Variants in LEPROT observed in about 807,000 individuals in gnomAD.
LEPROT encodes the protein leptin receptor gene-related protein.
In LEPROT, 3 loss-of-function variants were observed where a neutral mutation model predicts 15.4. The observed-to-expected ratio is 0.19, with a 90% CI of 0.09 to 0.50. LEPROT has a LOEUF of 0.50. LEPROT is among the 20% of genes least tolerant of loss of function. The pLI is 0.97. For synonymous variants in LEPROT, 59 were observed against 57.5 expected, an observed-to-expected ratio of 1.03 and a Z score of -0.12; for missense variants, 137 against 162.2, an observed-to-expected ratio of 0.84 and a Z score of 0.84.
At position 65,435,233 on chromosome 1, in the gene LEPROT, G is replaced by A. The variant is rs933634089; in HGVS notation, c.*3314G>A. The A allele has an allele frequency of 1.0e-6, 1 of 985,268 alleles. No individual in the cohort carries two copies. 61.0% of individuals were successfully genotyped at this position (985,268 alleles called of 1,614,324 possible). On this transcript the variant is annotated 3_prime_UTR_variant, in exon 4 of 4. Coordinates refer to ENST00000371065, the MANE Select transcript of LEPROT (RefSeq NM_017526.5). Reference sequence around the variant, plus strand: ...TCATAGATTTTTCTTACTGTCCTAAGGAAGTCCTTACCTCTGAGGTATCTC... The same window carrying A: ...TCATAGATTTTTCTTACTGTCCTAAAGAAGTCCTTACCTCTGAGGTATCTC...
At chr1:65,431,571 A>G (rs1004838828) in intron 3 of LEPROT, among the ~76,000 whole-genome samples, 3 of 152,238 alleles carry the variant, frequency 2.0e-5, no homozygotes, top group Non-Finnish European at 4.4e-5. Flanking sequence ...CAAGTAGAGA[A>G]ATATGTCTAA....
chr1:65,432,538 C>T lies in LEPROT; in HGVS notation c.*619C>T, dbSNP rs906657338. Reference sequence around the variant, plus strand: ...CTTTCCAGTGGCTAAACCACTTAACCTCTCTGGGTGTTACCTGCTCATTTG... The same window carrying T: ...CTTTCCAGTGGCTAAACCACTTAACTTCTCTGGGTGTTACCTGCTCATTTG... On this transcript the variant is annotated 3_prime_UTR_variant, in exon 4 of 4. Coordinates refer to ENST00000371065, the MANE Select transcript of LEPROT (RefSeq NM_017526.5). 1.1e-5 allele frequency: 9 copies of T among 828,752 alleles called. No homozygotes were observed. The highest frequency in any genetic ancestry group is 1.0e-5 in the Non-Finnish European group (7 of 688,052). The allele number at this position is 828,752 out of a possible 1,614,324, so 51.3% of individuals were successfully genotyped here. A position where few individuals can be genotyped will look rare whatever the true frequency, so the allele number is the denominator to read the frequency against.
chr1:65,431,293 A>G (rs1646479918), intron 3 of LEPROT, among the ~76,000 whole-genome samples: 1 of 152,208 alleles, frequency 6.6e-6, no homozygotes, highest in Admixed American at 6.5e-5. Context: ...AATGCCCACT[A>G]GAGGGTACTC....
chr1:65,425,210 A>G (rs781128120), intron 1 of LEPROT, 93 bp from the exon 2 acceptor site: 26 of 998,258 alleles, frequency 2.6e-5, no homozygotes, highest in Non-Finnish European at 3.7e-5. Context: ...GAAACTCTGG[A>G]CCTATTAGAA....
chr1:65,435,676 CT>C lies in LEPROT; in HGVS notation c.*3760del. Reference sequence around the variant, plus strand: ...GCCACTGTGCCCAGCCAAAATGTGCCTTTGCAAAGTTTGCGAAATCAGATTT... The same window carrying C: ...GCCACTGTGCCCAGCCAAAATGTGCCTTGCAAAGTTTGCGAAATCAGATTT... On this transcript the variant is annotated 3_prime_UTR_variant, in exon 4 of 4. Coordinates refer to ENST00000371065, the MANE Select transcript of LEPROT (RefSeq NM_017526.5). 1.0e-6 allele frequency: 1 copy of C among 985,388 alleles called. No individual in the cohort carries two copies. Among genetic ancestry groups the C allele is most frequent in the Non-Finnish European group, 1.2e-6 (1 of 829,918 alleles). 61.0% of individuals were successfully genotyped at this position (985,388 alleles called of 1,614,324 possible). A position where few individuals can be genotyped will look rare whatever the true frequency, so the allele number is the denominator to read the frequency against.
intron 2 of LEPROT, among the ~76,000 whole-genome samples, chr1:65,427,567 A>G (rs1646404143): frequency 6.6e-6 from 1 of 152,144 alleles, no homozygotes; most frequent in Admixed American, 6.6e-5. Context: ...TCTTAAATAA[A>G]AAAGTAGAAA....
chr1:65,432,314 T>C lies in LEPROT; in HGVS notation c.*395T>C, dbSNP rs1646497295. The C allele has an allele frequency of 2.0e-6, 2 of 992,076 alleles. No homozygotes were observed. The highest frequency in any genetic ancestry group is 3.5e-5 in the African/African-American group (2 of 57,408). 61.5% of individuals were successfully genotyped at this position (992,076 alleles called of 1,614,324 possible). A position where few individuals can be genotyped will look rare whatever the true frequency, so the allele number is the denominator to read the frequency against. ...AGGAAGGCCGGGGTGGATCCCTCTT[T>C]GTGTTGTAGTCCATGCTATTAAAAG... On this transcript the variant is annotated 3_prime_UTR_variant, in exon 4 of 4. Coordinates refer to ENST00000371065, the MANE Select transcript of LEPROT (RefSeq NM_017526.5).
intron 2 of LEPROT, among the ~76,000 whole-genome samples, chr1:65,426,026 A>G (rs746674361): frequency 5.9e-5 from 9 of 152,070 alleles, no homozygotes; most frequent in Non-Finnish European, 1.0e-4. Context: ...GGAGACGGAC[A>G]GTAAACAACA....
At chr1:65,422,342 C>A (rs1191314253) in intron 1 of LEPROT, among the ~76,000 whole-genome samples, 1 of 152,046 alleles carries the variant, frequency 6.6e-6, no homozygotes, top group Non-Finnish European at 1.5e-5. Context: ...TTGTTGGCAA[C>A]CATGCTGGCA....
rs544013451 is a variant in LEPROT, at chr1:65,433,260, G to A, written c.*1341G>A. The stretch of plus-strand genomic sequence containing the variant: ...AGAGATATAGGAGCCATGTAAGCAC[G>A]CAGTGGGTGAACTGCTTAATTTCAC... On this transcript the variant is annotated 3_prime_UTR_variant, in exon 4 of 4. Coordinates refer to ENST00000371065, the MANE Select transcript of LEPROT (RefSeq NM_017526.5). The A allele has an allele frequency of 8.1e-6, 8 of 985,268 alleles. No homozygotes were observed. In the South Asian group the frequency reaches 1.4e-4, roughly 17 times the overall value. The allele number at this position is 985,268 out of a possible 1,614,324, so 61.0% of individuals were successfully genotyped here. A position where few individuals can be genotyped will look rare whatever the true frequency, so the allele number is the denominator to read the frequency against.
intron 1 of LEPROT, chr1:65,421,561 C>A: frequency 1.5e-6 from 2 of 1,307,156 alleles, no homozygotes; most frequent in Non-Finnish European, 2.1e-6. Context: ...AAGATATCCC[C>A]AGTTAACATC....
rs923327685 is a variant in LEPROT, at chr1:65,433,989, G to T, written c.*2070G>T. The T allele has an allele frequency of 3.0e-6, 3 of 985,204 alleles. No homozygotes were observed. In the African/African-American group the frequency reaches 5.2e-5, roughly 17 times the overall value. The allele number at this position is 985,204 out of a possible 1,614,324, so 61.0% of individuals were successfully genotyped here. A position where few individuals can be genotyped will look rare whatever the true frequency, so the allele number is the denominator to read the frequency against. Reference sequence around the variant, plus strand: ...GGTGTGCAATAGCTTTTCTTTCTAAGATGGCAATAATGATTCATTTCTACT... The same window carrying T: ...GGTGTGCAATAGCTTTTCTTTCTAATATGGCAATAATGATTCATTTCTACT... On this transcript the variant is annotated 3_prime_UTR_variant, in exon 4 of 4. Transcript: ENST00000371065.
chr1:65,433,367 A>T lies in LEPROT; in HGVS notation c.*1448A>T. On this transcript the variant is annotated 3_prime_UTR_variant, in exon 4 of 4. Transcript: ENST00000371065. ...CACCCTTAAATGAATCATTGGGTAT[A>T]CCTGTCATGTTGGATCCTGTAATCA... is the stretch of plus-strand genomic sequence containing the variant. 1 of 985,400 alleles carries T rather than the reference A, an allele frequency of 1.0e-6. No individual in the cohort carries two copies. Among genetic ancestry groups the T allele is most frequent in the South Asian group, 4.7e-5 (1 of 21,286 alleles). The allele number at this position is 985,400 out of a possible 1,614,324, so 61.0% of individuals were successfully genotyped here.
In LEPROT at chr1:65,435,326, G is replaced by A; in HGVS notation, c.*3407G>A. The A allele has an allele frequency of 1.0e-6, 1 of 983,110 alleles. No homozygotes were observed. Among genetic ancestry groups the A allele is most frequent in the South Asian group, 4.7e-5 (1 of 21,206 alleles). The allele number at this position is 983,110 out of a possible 1,614,324, so 60.9% of individuals were successfully genotyped here. ...TAATAACCTTCTTTATGTTCTCAGG[G>A]AAATGCTTAGGTGGTGTCACAAAAT... On this transcript the variant is annotated 3_prime_UTR_variant, in exon 4 of 4. Transcript: ENST00000371065.
chr1:65,421,354 G>A, intron 1 of LEPROT: 2 of 1,536,002 alleles, frequency 1.3e-6, no homozygotes, highest in African/African-American at 1.4e-5. Context: ...TGTGTAGTAT[G>A]TGTTTTTTGC....
At position 65,432,988 on chromosome 1, in the gene LEPROT, T is replaced by TG. The variant is rs1646508149; in HGVS notation, c.*1073dup. 2.0e-6 allele frequency: 2 copies of TG among 985,022 alleles called. No individual in the cohort carries two copies. Among genetic ancestry groups the TG allele is most frequent in the Admixed American group, 1.2e-4 (2 of 16,250 alleles). 61.0% of individuals were successfully genotyped at this position (985,022 alleles called of 1,614,324 possible). A position where few individuals can be genotyped will look rare whatever the true frequency, so the allele number is the denominator to read the frequency against. On this transcript the variant is annotated 3_prime_UTR_variant, in exon 4 of 4. Coordinates refer to ENST00000371065, the MANE Select transcript of LEPROT (RefSeq NM_017526.5). ...TCTCTCCCCCAAAAAAACATCTCAG[T>TG]GGGGAACAGATGTATCTTTTCATCT...
chr1:65,433,669 A>T lies in LEPROT; in HGVS notation c.*1750A>T. The T allele has an allele frequency of 1.0e-6, 1 of 984,488 alleles. No individual in the cohort carries two copies. Among genetic ancestry groups the T allele is most frequent in the Non-Finnish European group, 1.2e-6 (1 of 829,094 alleles). The allele number at this position is 984,488 out of a possible 1,614,324, so 61.0% of individuals were successfully genotyped here. A position where few individuals can be genotyped will look rare whatever the true frequency, so the allele number is the denominator to read the frequency against. ...TTTATGTTTTCAGTGTCCTGTGTAC[A>T]TATAGAATTGTTAAAGTTGTCATTT... On this transcript the variant is annotated 3_prime_UTR_variant, in exon 4 of 4. Coordinates refer to ENST00000371065, the MANE Select transcript of LEPROT (RefSeq NM_017526.5).
chr1:65,426,737 G>A (rs573411973), intron 2 of LEPROT, among the ~76,000 whole-genome samples: 13 of 152,268 alleles, frequency 8.5e-5, no homozygotes, highest in South Asian at 6.2e-4. Context: ...CATGGCTCAC[G>A]CCTGTAATCC....
rs996956390 is a variant in LEPROT at position 65,435,718 on chromosome 1, C to A, written c.*3799C>A. The A allele has an allele frequency of 1.0e-6, 1 of 985,314 alleles. No homozygotes were observed. Among genetic ancestry groups the A allele is most frequent in the Non-Finnish European group, 1.2e-6 (1 of 829,892 alleles). 61.0% of individuals were successfully genotyped at this position (985,314 alleles called of 1,614,324 possible). ...AATCAGATTTTGTATCCCAATAGAA[C>A]CAAAATATTTATGAGGATGCTAGCA... On this transcript the variant is annotated 3_prime_UTR_variant, in exon 4 of 4. Coordinates refer to ENST00000371065, the MANE Select transcript of LEPROT (RefSeq NM_017526.5).
Sources: gnomAD v4.1 joint callset for allele counts (sites outside exome capture counted in the v4.1 genomes callset) on GRCh38, gnomAD v4.1.1 for gene constraint, MANE v1.5 for transcripts, NCBI Gene and HGNC (gene_info 2026-07-23, HGNC 2026-07-21) for gene names.